DNAAF9: variants seen among roughly 807,000 people sequenced by gnomAD.
DNAAF9 encodes dynein axonemal assembly factor 9, also known as shulin.
Under a neutral mutation model 167.0 loss-of-function variants are expected in DNAAF9, and 90 were observed. That is an observed-to-expected ratio of 0.54 (90% CI 0.45 to 0.64). The LOEUF (loss-of-function observed/expected upper bound fraction) is 0.64, where lower values mean the gene tolerates loss of function less well. DNAAF9 is among the 30% of genes least tolerant of loss of function. DNAAF9 has a pLI of 0.00. For missense variants in DNAAF9, 1,315 were observed against 1,442.2 expected (o/e 0.91, Z 1.43); for synonymous variants, 491 against 508.8 (o/e 0.96, Z 0.47).
At chr20:3,372,884 ACCT>A (rs2083529604) in intron 6 of DNAAF9, among the ~76,000 whole-genome samples, 1 of 152,220 alleles carries the variant, frequency 6.6e-6, no homozygotes, top group Non-Finnish European at 1.5e-5. Context: ...AGGCACTCAG[ACCT>A]AGTTCATACA....
At chr20:3,345,862 G>A (rs961667286) in intron 8 of DNAAF9, among the ~76,000 whole-genome samples, 2 of 151,988 alleles carry the variant, frequency 1.3e-5, no homozygotes, top group Non-Finnish European at 2.9e-5. Flanking sequence ...GGGCACACGG[G>A]AGGCGGAGGT....
intron 29 of DNAAF9, among the ~76,000 whole-genome samples, chr20:3,277,410 C>T (rs2068692214): frequency 6.6e-6 from 1 of 152,204 alleles, no homozygotes; most frequent in Non-Finnish European, 1.5e-5. Flanking sequence ...CTTTTCAACT[C>T]TATATCTGGA....
At chr20:3,343,613 C>G in intron 9 of DNAAF9, 63 bp downstream of exon 9, 1 of 1,336,844 alleles carries the variant, frequency 7.5e-7, no homozygotes, top group Non-Finnish European at 1.1e-6. Flanking sequence ...CCACAGCCAA[C>G]CCCTTTGCCA....
At chr20:3,368,565 T>C (rs909505440) in intron 6 of DNAAF9, among the ~76,000 whole-genome samples, 1 of 148,550 alleles carries the variant, frequency 6.7e-6, no homozygotes, top group African/African-American at 2.5e-5. Flanking sequence ...CAGGCTGGAG[T>C]GCAGTGGCAT....
chr20:3,315,329 T>A lies in DNAAF9; in HGVS notation c.1591-209A>T, dbSNP rs2069483987. 6.6e-6 allele frequency among the ~76,000 whole-genome samples: 1 copy of A among 152,158 alleles called. No individual in the cohort carries two copies. Among genetic ancestry groups the A allele is most frequent in the Non-Finnish European group, 1.5e-5 (1 of 68,032 alleles). On this transcript the variant is annotated intron_variant, in intron 19 of 36. Coordinates refer to ENST00000252032, the MANE Select transcript of DNAAF9 (RefSeq NM_001009984.3). This position sits in a 1 kb window ranked among gnomAD's most constrained non-coding sequence, Gnocchi z 4.1. ...TTGATTTGTGCTGAGAAAAAGAACATTAAGATTCTCTCTGAGTCCAGGCAT... is the reference window on the plus strand; with the variant it reads ...TTGATTTGTGCTGAGAAAAAGAACAATAAGATTCTCTCTGAGTCCAGGCAT...
chr20:3,314,268 T>C (rs550470805), intron 20 of DNAAF9, among the ~76,000 whole-genome samples: 1 of 151,984 alleles, frequency 6.6e-6, no homozygotes, highest in Non-Finnish European at 1.5e-5. Context: ...ATGAGACCCT[T>C]GGGAGGAGGT....
At chr20:3,345,373 A>C (rs146992763) in intron 8 of DNAAF9, among the ~76,000 whole-genome samples, 75 of 152,278 alleles carry the variant, frequency 4.9e-4, no homozygotes, top group African/African-American at 1.8e-3. Flanking sequence ...TGTGATAGGC[A>C]CTTATCATCT....
intron 21 of DNAAF9, among the ~76,000 whole-genome samples, chr20:3,304,107 G>A (rs2069243392): frequency 6.6e-6 from 1 of 152,206 alleles, no homozygotes; most frequent in Admixed American, 6.5e-5. Flanking sequence ...GGACCTGGAG[G>A]CCACCCAAGA....
At chr20:3,309,143 T>C (rs796347113) in intron 20 of DNAAF9, among the ~76,000 whole-genome samples, 10 of 152,302 alleles carry the variant, frequency 6.6e-5, no homozygotes, top group African/African-American at 1.7e-4. Flanking sequence ...CTCAAAGTTA[T>C]TGACATTTTT....
chr20:3,294,723 A>G (rs2281505), intron 23 of DNAAF9, 94 bp from the exon 24 acceptor site: 5 of 787,290 alleles, frequency 6.4e-6, no homozygotes, highest in South Asian at 1.5e-5. Context: ...CCAGAGTCCA[A>G]TGACAGAGTC....
At position 3,276,771 on chromosome 20, in the gene DNAAF9, G is replaced by T. The variant is rs562763980; in HGVS notation, c.2650+2141C>A. On this transcript the variant is annotated intron_variant, in intron 29 of 36. Coordinates refer to ENST00000252032, the MANE Select transcript of DNAAF9 (RefSeq NM_001009984.3). ...CAAGGGGCTCTGAAAGGAAAAGAAGGCTCCAGCATTTACAAGAACAAGGCA... is the reference window on the plus strand; with the variant it reads ...CAAGGGGCTCTGAAAGGAAAAGAAGTCTCCAGCATTTACAAGAACAAGGCA... Among the ~76,000 whole-genome samples, 116 of 152,320 alleles carry T rather than the reference G, an allele frequency of 7.6e-4. 1 individual carries two copies. In the Middle Eastern group the frequency reaches 0.02, roughly 27 times the overall value.
chr20:3,336,258 G>GTTTTTTTTTTTTT (rs367718705), intron 10 of DNAAF9, among the ~76,000 whole-genome samples: 5 of 113,556 alleles, frequency 4.4e-5, no homozygotes, highest in African/African-American at 6.8e-5. Flanking sequence ...TTGCGTTTTT[G>GTTTTTTTTTTTTT]TTTTTTTTTT....
chr20:3,315,752 T>A lies in DNAAF9; in HGVS notation c.1573A>T (p.Thr525Ser). ...CTGCTTACCCTCACTGCTTGCTGGG[T>A]TTTCTCAGACAATTTTACTTCATTA... is the stretch of plus-strand genomic sequence containing the variant. ...EDNEVKLSEKTQQAVRGDESF... is the reference protein window; with the variant it reads ...EDNEVKLSEKSQQAVRGDESF... Residue 525 changes from threonine (T) to serine (S), a missense_variant, in exon 19 of 37, where the codon ACC (threonine) becomes TCC (serine). Thr to Ser is a moderately conservative substitution (Grantham distance 58). Coordinates refer to ENST00000252032, the MANE Select transcript of DNAAF9 (RefSeq NM_001009984.3). This position sits in a 1 kb window ranked among gnomAD's most constrained non-coding sequence, Gnocchi z 4.1. 1 of 1,613,690 alleles carries A rather than the reference T, an allele frequency of 6.2e-7. No individual in the cohort carries two copies. The highest frequency in any genetic ancestry group is 8.5e-7 in the Non-Finnish European group (1 of 1,179,584).
chr20:3,398,275 T>G (rs1032963675), intron 1 of DNAAF9, among the ~76,000 whole-genome samples: 1 of 152,218 alleles, frequency 6.6e-6, no homozygotes, highest in African/African-American at 2.4e-5. Context: ...ACTGTTCTGA[T>G]AGCAGAGTCT....
chr20:3,263,173 A>T (rs1427355237), intron 31 of DNAAF9, among the ~76,000 whole-genome samples: 1 of 151,784 alleles, frequency 6.6e-6, no homozygotes, highest in Admixed American at 6.6e-5. Context: ...ATGGGGTTTC[A>T]CCACGTTAGC....
chr20:3,270,495 C>T lies in DNAAF9; in HGVS notation c.2718G>A (p.Leu906=), dbSNP rs748237188. Residue 906 remains leucine (L), a synonymous_variant, in exon 30 of 37, where the codon CTG becomes CTA. Coordinates refer to ENST00000252032, the MANE Select transcript of DNAAF9 (RefSeq NM_001009984.3). ...TEQRHPLLVQ[L]QSLIRAANPA... ...GATTGGCAGCCCTGATGAGGCTCTGCAGCTGAACAAGGAGAGGGTGCCGCT... is the reference window on the plus strand; with the variant it reads ...GATTGGCAGCCCTGATGAGGCTCTGTAGCTGAACAAGGAGAGGGTGCCGCT... 31 of 1,613,296 alleles carry T rather than the reference C, an allele frequency of 1.9e-5. No individual in the cohort carries two copies. In the East Asian group the frequency reaches 6.0e-4, roughly 31 times the overall value.
rs1473812992 is a variant in DNAAF9 at position 3,395,260 on chromosome 20, C to T, written c.83+12215G>A. Among the ~76,000 whole-genome samples, 4 of 138,470 alleles carry T rather than the reference C, an allele frequency of 2.9e-5. 1 individual carries two copies. The highest frequency in any genetic ancestry group is 4.7e-5 in the Non-Finnish European group (3 of 63,710). 90.8% of individuals were successfully genotyped at this position (138,470 alleles called of 152,430 possible). A position where few individuals can be genotyped will look rare whatever the true frequency, so the allele number is the denominator to read the frequency against. ...TGCTGGGATTACAGGCGTGAGCCAC[C>T]GCGCCTGGCCGAACATTTTCTTTTT... On this transcript the variant is annotated intron_variant, in intron 1 of 36. Coordinates refer to ENST00000252032, the MANE Select transcript of DNAAF9 (RefSeq NM_001009984.3).
At chr20:3,383,435 A>G (rs2123250596) in intron 1 of DNAAF9, among the ~76,000 whole-genome samples, 1 of 151,654 alleles carries the variant, frequency 6.6e-6, no homozygotes, top group Non-Finnish European at 1.5e-5. Flanking sequence ...CGCCCGGCTA[A>G]TTTTTGTATT....
chr20:3,334,754 G>A (rs1390343034), intron 10 of DNAAF9, among the ~76,000 whole-genome samples: 3 of 152,176 alleles, frequency 2.0e-5, no homozygotes, highest in East Asian at 1.9e-4. Context: ...TCTAATAGGC[G>A]TGTAATGGAC....
Sources: gnomAD v4.1 joint callset for allele counts (sites outside exome capture counted in the v4.1 genomes callset) on GRCh38, gnomAD v4.1.1 for gene constraint, Gnocchi (gnomAD v3.1) non-coding constraint, MANE v1.5 for transcripts, NCBI Gene and HGNC (gene_info 2026-07-23, HGNC 2026-07-21) for gene names.